TRPM6: variants seen among roughly 807,000 people sequenced by gnomAD.
TRPM6 encodes the protein channel kinase 2.
In TRPM6, 111 loss-of-function variants were observed where a neutral mutation model predicts 247.6. The ratio of observed to expected loss-of-function variants is 0.45; its 90% CI spans 0.38 to 0.52. The LOEUF (loss-of-function observed/expected upper bound fraction) is 0.52. Ranked by LOEUF, TRPM6 falls within the 20% of genes least tolerant of loss-of-function variation. TRPM6 has a pLI of 0.00. For synonymous variants in TRPM6, 892 were observed against 853.8 expected (o/e 1.04, Z -0.78); for missense variants, 2,126 against 2,421.5 (o/e 0.88, Z 2.56).
chr9:74,792,693 T>A lies in TRPM6; in HGVS notation c.2469A>T (p.Gln823His), dbSNP rs570517430. The A allele has an allele frequency of 6.2e-7, 1 of 1,613,932 alleles. No homozygotes were observed. The highest frequency in any genetic ancestry group is 1.1e-5 in the South Asian group (1 of 91,068). ...AGACTTTCCTGGTCCACGGAAGGTG[T>A]TGGTGCCCACTTTCCAAACCAAAAT... is the stretch of plus-strand genomic sequence containing the variant. The part of the protein sequence containing the change: ...NQHFGLESGH[Q>H]HLPWTRKVYE... The change falls in exon 19 of 39, where the codon CAA becomes CAT. Residue 823 changes from glutamine to histidine, a missense_variant. Around this residue, in one of 3 missense-constraint regions of TRPM6, gnomAD observed 1,082 missense variants for 1,307.9 expected, o/e 0.83. Transcript: ENST00000360774.
intron 4 of TRPM6, 92 bp from the exon 5 acceptor site, chr9:74,840,329 G>C: frequency 1.2e-6 from 1 of 820,782 alleles, no homozygotes. Context: ...CAACTGAAAT[G>C]GCCAAAATCT....
At chr9:74,813,676 G>A (rs145467303) in intron 11 of TRPM6, among the ~76,000 whole-genome samples, 10 of 152,160 alleles carry the variant, frequency 6.6e-5, no homozygotes, top group Admixed American at 6.5e-4. Context: ...TTTTTTATCC[G>A]CTACACTTAA....
chr9:74,802,215 A>C, intron 15 of TRPM6, 40 bp from the exon 16 acceptor site: 1 of 1,585,190 alleles, frequency 6.3e-7, no homozygotes, highest in South Asian at 1.1e-5. Flanking sequence ...TCAAATACTC[A>C]GATGTATGAT....
chr9:74,812,466 A>G (rs1206284936), intron 11 of TRPM6, 33 bp from the exon 12 acceptor site: 1 of 1,597,992 alleles, frequency 6.3e-7, no homozygotes, highest in African/African-American at 1.3e-5. Flanking sequence ...ATATAAAGAC[A>G]ATTAAGAAAG....
At chr9:74,778,788 G>A (rs1827315379) in intron 23 of TRPM6, among the ~76,000 whole-genome samples, 1 of 152,158 alleles carries the variant, frequency 6.6e-6, no homozygotes, top group South Asian at 2.1e-4. Flanking sequence ...AAGGGCCTCT[G>A]CCCAGCTGCC....
chr9:74,878,909 A>G (rs1831272635), intron 1 of TRPM6, among the ~76,000 whole-genome samples: 1 of 152,194 alleles, frequency 6.6e-6, no homozygotes, highest in Non-Finnish European at 1.5e-5. Context: ...ACTCAACCTC[A>G]GGAGTTCAGG....
intron 1 of TRPM6, among the ~76,000 whole-genome samples, chr9:74,871,232 G>A (rs990796552): frequency 6.6e-6 from 1 of 152,064 alleles, no homozygotes; most frequent in East Asian, 1.9e-4. Flanking sequence ...AAGTACATCA[G>A]GTGATACAGG....
chr9:74,865,554 A>C (rs929907820), intron 1 of TRPM6, among the ~76,000 whole-genome samples: 1 of 152,180 alleles, frequency 6.6e-6, no homozygotes, highest in African/African-American at 2.4e-5. Flanking sequence ...AACCACTCTA[A>C]TCTGGTTAGA....
At chr9:74,744,978 G>A (rs1739056086) in intron 31 of TRPM6, among the ~76,000 whole-genome samples, 1 of 152,164 alleles carries the variant, frequency 6.6e-6, no homozygotes, top group Non-Finnish European at 1.5e-5. Context: ...TCTTTCTGAA[G>A]TCATCAATAA....
intron 3 of TRPM6, among the ~76,000 whole-genome samples, chr9:74,849,832 T>C (rs1167740323): frequency 6.6e-6 from 1 of 152,214 alleles, no homozygotes; most frequent in Non-Finnish European, 1.5e-5. Flanking sequence ...AAAGCCTCTA[T>C]TTCTTCAACT....
intron 1 of TRPM6, chr9:74,887,205 CGGACT>C: frequency 8.0e-7 from 1 of 1,248,898 alleles, no homozygotes; most frequent in Non-Finnish European, 1.0e-6. Flanking sequence ...GGGAAGGAAG[CGGACT>C]GCGGCGGGGC....
intron 23 of TRPM6, among the ~76,000 whole-genome samples, chr9:74,779,912 A>G (rs752549934): frequency 1.8e-4 from 27 of 152,280 alleles, no homozygotes; most frequent in Admixed American, 1.6e-3. Context: ...AGTGGCTCAC[A>G]CCTGTAATCC....
intron 3 of TRPM6, among the ~76,000 whole-genome samples, chr9:74,847,803 C>G (rs1830160246): frequency 6.6e-6 from 1 of 152,034 alleles, no homozygotes; most frequent in Non-Finnish European, 1.5e-5. Flanking sequence ...GAAGCCTACA[C>G]TCAGGAATTC....
rs905842143 is a variant in TRPM6 at position 74,829,120 on chromosome 9, C to G, written c.670-1171G>C. Among the ~76,000 whole-genome samples, 4 of 151,990 alleles carry G rather than the reference C, an allele frequency of 2.6e-5. No individual in the cohort carries two copies. In the East Asian group the frequency reaches 5.8e-4, roughly 22 times the overall value. On this transcript the variant is annotated intron_variant, in intron 6 of 38. Transcript: ENST00000360774. Reference sequence around the variant, plus strand: ...CCAGCCTGGCCAACATGGTAAAACCCTATCTCTACCAAAAATACAAAAATT... The same window carrying G: ...CCAGCCTGGCCAACATGGTAAAACCGTATCTCTACCAAAAATACAAAAATT...
At chr9:74,799,923 C>G (rs1828251537) in intron 17 of TRPM6, 1 of 370,018 alleles carries the variant, frequency 2.7e-6, no homozygotes, top group Non-Finnish European at 5.2e-6. Context: ...GCTGTGACAT[C>G]TGTCACCCCA....
At chr9:74,775,675 A>C (rs1239304583) in intron 24 of TRPM6, among the ~76,000 whole-genome samples, 1 of 152,102 alleles carries the variant, frequency 6.6e-6, no homozygotes, top group Admixed American at 6.6e-5. Flanking sequence ...TCCCTTTCTA[A>C]GTATCCGTTC....
chr9:74,827,637 T>G, intron 7 of TRPM6, 141 bp downstream of exon 7: 1 of 830,018 alleles, frequency 1.2e-6, no homozygotes, highest in Non-Finnish European at 2.1e-6. Flanking sequence ...GATGCCCATG[T>G]GGGAAGGGGG....
chr9:74,726,573 T>G (rs1336193642), intron 38 of TRPM6, among the ~76,000 whole-genome samples: 2 of 152,132 alleles, frequency 1.3e-5, no homozygotes, highest in Non-Finnish European at 2.9e-5. Flanking sequence ...TATCTCAACC[T>G]TAATCATACA....
chr9:74,836,658 G>A (rs1344351770), intron 5 of TRPM6, among the ~76,000 whole-genome samples: 1 of 152,274 alleles, frequency 6.6e-6, no homozygotes, highest in East Asian at 1.9e-4. Context: ...TATTCATCCT[G>A]CTGTTCAAAT....
Sources: allele counts gnomAD v4.1 joint callset (sites outside exome capture counted in the v4.1 genomes callset), GRCh38; gene constraint gnomAD v4.1.1; regional missense constraint gnomAD v4.1.1; transcripts MANE v1.5; gene names NCBI Gene and HGNC (gene_info 2026-07-23, HGNC 2026-07-21).